Variants in MAP7D3 observed in about 807,000 individuals in gnomAD.
MAP7D3 encodes MAP7 domain containing 3.
MAP7D3 carries 45 observed loss-of-function variants against 62.2 expected under a neutral mutation model. The observed-to-expected ratio is 0.72, with a 90% confidence interval of 0.57 to 0.93. The LOEUF (loss-of-function observed/expected upper bound fraction) is 0.93. Among genes scored for constraint, MAP7D3 ranks in the 40% least tolerant of loss-of-function variants. The pLI is 0.00. For missense variants in MAP7D3, 711 were observed against 683.1 expected, an observed-to-expected ratio of 1.04 and a Z score of -0.45; for synonymous variants, 288 against 248.8, an observed-to-expected ratio of 1.16 and a Z score of -1.48.
chrX:136,243,848 G>A (rs993700351), intron 4 of MAP7D3, among the ~76,000 whole-genome samples: 1 of 111,401 alleles, frequency 9.0e-6, no homozygotes, highest in Admixed American at 9.5e-5. Context: ...AGAAAAATTT[G>A]GTGTCAGAGA....
intron 6 of MAP7D3, among the ~76,000 whole-genome samples, chrX:136,237,122 C>G (rs1207324921): frequency 8.9e-6 from 1 of 112,156 alleles, no homozygotes; most frequent in Non-Finnish European, 1.9e-5. Context: ...CTTGAGATAC[C>G]CTCGCTCAGA....
rs781286983 is a variant in MAP7D3, at chrX:136,239,817, C to T, written c.640+565G>A. On this transcript the variant is annotated intron_variant, in intron 6 of 18. Coordinates refer to ENST00000316077, the MANE Select transcript of MAP7D3 (RefSeq NM_024597.4). ...AATAAATAATTATGCCACTTAATGGCAGTGTCTTTTGACCAAAATATGTTT... is the reference window on the plus strand; with the variant it reads ...AATAAATAATTATGCCACTTAATGGTAGTGTCTTTTGACCAAAATATGTTT... 3.7e-4 allele frequency among the ~76,000 whole-genome samples: 41 copies of T among 112,216 alleles called. 1 individual carries two copies. Among genetic ancestry groups the T allele is most frequent in the South Asian group, 7.3e-4 (2 of 2,736 alleles).
At chrX:136,244,199 G>A (rs999749781) in intron 4 of MAP7D3, among the ~76,000 whole-genome samples, 24 of 111,676 alleles carry the variant, frequency 2.1e-4, no homozygotes, top group African/African-American at 7.8e-4. Context: ...TGGCTGGGGA[G>A]TCACACTTTT....
At chrX:136,250,944 G>A (rs1353846030) in intron 1 of MAP7D3, among the ~76,000 whole-genome samples, 1 of 111,430 alleles carries the variant, frequency 9.0e-6, no homozygotes, top group Non-Finnish European at 1.9e-5. Context: ...GGGGCGGTCC[G>A]CGGGGTCCGG....
chrX:136,235,454 G>A (rs1392633145), intron 7 of MAP7D3, among the ~76,000 whole-genome samples: 1 of 111,773 alleles, frequency 8.9e-6, no homozygotes, highest in Non-Finnish European at 1.9e-5. Context: ...GTGTTAGAAA[G>A]AAACTACTTT....
At chrX:136,224,528 G>T (rs2074172039) in intron 14 of MAP7D3, among the ~76,000 whole-genome samples, 1 of 109,787 alleles carries the variant, frequency 9.1e-6, no homozygotes, top group South Asian at 3.9e-4. Context: ...GCTGTAAACT[G>T]GGAGAAGGTA....
intron 11 of MAP7D3, among the ~76,000 whole-genome samples, chrX:136,228,117 C>G (rs1463568252): frequency 2.7e-5 from 3 of 112,163 alleles, no homozygotes; most frequent in African/African-American, 9.7e-5. Flanking sequence ...ATGCACACAA[C>G]TGTACATGAG....
intron 7 of MAP7D3, among the ~76,000 whole-genome samples, chrX:136,234,110 A>G (rs950633793): frequency 1.4e-4 from 16 of 110,907 alleles, no homozygotes; most frequent in African/African-American, 5.3e-4. Context: ...GATGTGTTTT[A>G]CTAATCATAT....
chrX:136,229,995 T>TA (rs1569531772), intron 10 of MAP7D3, among the ~76,000 whole-genome samples: 15 of 75,884 alleles, frequency 2.0e-4, no homozygotes, highest in African/African-American at 7.8e-4. Context: ...ATATATATAT[T>TA]TTTTTTTTTT....
In MAP7D3 at chrX:136,230,428, A is replaced by G; in HGVS notation, c.1707T>C (p.Thr569=). 12 of 1,204,340 alleles carry G rather than the reference A, an allele frequency of 1.0e-5. No homozygotes were observed. Among genetic ancestry groups the G allele is most frequent in the Non-Finnish European group, 1.3e-5 (12 of 888,963 alleles). ...TTTGGCTCAAAGCCTCACATCTGTTAGTGGTTTTAGAAACTGTTTCTTTTT... is the reference window on the plus strand; with the variant it reads ...TTTGGCTCAAAGCCTCACATCTGTTGGTGGTTTTAGAAACTGTTTCTTTTT... ...KKKKETVSKT[T]NRCEALSQRH... Residue 569 remains threonine (T), a synonymous_variant, in exon 10 of 19, where the codon ACT becomes ACC. Coordinates refer to ENST00000316077, the MANE Select transcript of MAP7D3 (RefSeq NM_024597.4).
Position 136,232,041 on chromosome X carries a change from G to A in MAP7D3, c.916C>T (p.Pro306Ser), listed in dbSNP as rs1330083023. Residue 306 changes from proline to serine, a missense_variant, in exon 8 of 19, where the codon CCC (proline) becomes TCC (serine). By Grantham distance (74) the Pro-to-Ser change is moderately conservative. Transcript: ENST00000316077. ...ETPPKASVDA[P>S]PQVNVEVFCN... ...AATACTTCCACATTCACCTGGGGGG[G>A]TGCATCCACACTTGCCTTGGGAGGT... The A allele has an allele frequency of 1.7e-6, 2 of 1,209,981 alleles. No individual in the cohort carries two copies. Among genetic ancestry groups the A allele is most frequent in the Non-Finnish European group, 2.2e-6 (2 of 894,382 alleles).
upstream of MAP7D3, among the ~76,000 whole-genome samples, chrX:136,252,337 T>C (rs1475402785): frequency 9.1e-6 from 1 of 109,987 alleles, no homozygotes; most frequent in Non-Finnish European, 1.9e-5. Flanking sequence ...TTACATATGT[T>C]AGCAATGATA....
intron 12 of MAP7D3, 80 bp from the exon 13 acceptor site, chrX:136,226,093 T>C: frequency 1.5e-6 from 1 of 655,501 alleles, no homozygotes; most frequent in South Asian, 2.9e-5. Context: ...AAAATTTCAA[T>C]GGTAAATGTT....
intron 14 of MAP7D3, among the ~76,000 whole-genome samples, 192 bp from the exon 15 acceptor site, chrX:136,222,678 G>A (rs1039751459): frequency 6.3e-5 from 7 of 111,411 alleles, no homozygotes; most frequent in East Asian, 2.8e-4. Context: ...CCGTAGCTGC[G>A]TCTTTTAGCT....
intron 1 of MAP7D3, among the ~76,000 whole-genome samples, chrX:136,247,173 T>C (rs921609209): frequency 1.8e-5 from 2 of 112,166 alleles, no homozygotes; most frequent in African/African-American, 6.5e-5. Context: ...AAGTGTAAGA[T>C]TAGGAAAGCA....
intron 8 of MAP7D3, 104 bp from the exon 9 acceptor site, chrX:136,231,070 A>T: frequency 1.7e-6 from 1 of 594,844 alleles, no homozygotes; most frequent in Non-Finnish European, 2.5e-6. Flanking sequence ...AATAAAACAC[A>T]ATTAGAATTC....
intron 14 of MAP7D3, 84 bp from the exon 15 acceptor site, chrX:136,222,570 T>C: frequency 1.4e-6 from 1 of 739,946 alleles, no homozygotes; most frequent in Non-Finnish European, 2.0e-6. Flanking sequence ...ACTTCAAAGC[T>C]GGACTGATGG....
chrX:136,227,601 C>T (rs1805806811), intron 11 of MAP7D3, among the ~76,000 whole-genome samples, 170 bp from the exon 12 acceptor site: 1 of 109,699 alleles, frequency 9.1e-6, no homozygotes, highest in African/African-American at 3.3e-5. Context: ...ACAATTCCAC[C>T]CCTTTTTAAA....
intron 7 of MAP7D3, among the ~76,000 whole-genome samples, 198 bp downstream of exon 7, chrX:136,236,046 G>A (rs2074325867): frequency 8.9e-6 from 1 of 112,209 alleles, no homozygotes; most frequent in African/African-American, 3.2e-5. Context: ...TCAGATGATG[G>A]CAGGAATTAT....
Sources: allele counts gnomAD v4.1 joint callset (sites outside exome capture counted in the v4.1 genomes callset), GRCh38; gene constraint gnomAD v4.1.1; transcripts MANE v1.5; gene names NCBI Gene and HGNC (gene_info 2026-07-23, HGNC 2026-07-21).